Variants in XPR1 observed in about 807,000 individuals in gnomAD.
The protein encoded by XPR1 is xenotropic and polytropic retrovirus receptor 1, also known as solute carrier family 53 member 1.
In XPR1, 28 loss-of-function variants were observed where a neutral mutation model predicts 87.5. The observed-to-expected ratio is 0.32, with a 90% CI of 0.24 to 0.44. The LOEUF is 0.44. Ranked by LOEUF, XPR1 falls within the 20% of genes least tolerant of loss-of-function variation. The pLI, the probability that XPR1 is intolerant of heterozygous loss-of-function variation, is 1.00. For missense variants in XPR1, 559 were observed against 862.3 expected, an observed-to-expected ratio of 0.65 and a Z score of 4.41; for synonymous variants, 300 against 306.1, an observed-to-expected ratio of 0.98 and a Z score of 0.21.
chr1:180,697,675 A>C (rs1571737182), intron 2 of XPR1, among the ~76,000 whole-genome samples: 1 of 151,978 alleles, frequency 6.6e-6, no homozygotes, highest in Non-Finnish European at 1.5e-5. Flanking sequence ...AAGACATTTA[A>C]AATTTTTCTT....
intron 1 of XPR1, among the ~76,000 whole-genome samples, chr1:180,659,224 TC>T (rs1557943267): frequency 1.5e-5 from 1 of 68,438 alleles, no homozygotes; most frequent in Non-Finnish European, 2.9e-5. Flanking sequence ...CTTCCTTCCT[TC>T]CTTCCTTCCT....
At chr1:180,666,080 A>G (rs187523342) in intron 1 of XPR1, among the ~76,000 whole-genome samples, 4 of 152,094 alleles carry the variant, frequency 2.6e-5, no homozygotes, top group Non-Finnish European at 5.9e-5. Flanking sequence ...CCATTGGGTG[A>G]TCTTGGCACC....
intron 1 of XPR1, among the ~76,000 whole-genome samples, chr1:180,656,245 C>G (rs1284388836): frequency 7.0e-6 from 1 of 142,232 alleles, no homozygotes; most frequent in Admixed American, 8.0e-5. Context: ...ATAATGACTT[C>G]CAGTTCCATC....
intron 2 of XPR1, among the ~76,000 whole-genome samples, chr1:180,736,862 G>A (rs1658745289): frequency 6.6e-6 from 1 of 152,116 alleles, no homozygotes; most frequent in East Asian, 1.9e-4. Flanking sequence ...GGCTGAGGGA[G>A]CTGACAGGCC....
intron 13 of XPR1, among the ~76,000 whole-genome samples, chr1:180,879,419 C>T (rs1571254518): frequency 6.6e-6 from 1 of 152,172 alleles, no homozygotes; most frequent in African/African-American, 2.4e-5. Context: ...TGTGGGTGGG[C>T]CCTCTTCCAC....
At chr1:180,685,309 AC>A (rs1385602883) in intron 2 of XPR1, among the ~76,000 whole-genome samples, 1 of 152,138 alleles carries the variant, frequency 6.6e-6, no homozygotes, top group African/African-American at 2.4e-5. Context: ...CGTATGTTGA[AC>A]CAGCCTTGCA....
At chr1:180,777,609 A>AT (rs2102073754) in intron 2 of XPR1, among the ~76,000 whole-genome samples, 1 of 152,256 alleles carries the variant, frequency 6.6e-6, no homozygotes, top group South Asian at 2.1e-4. Context: ...TTAGAGTAAC[A>AT]TTTTTTATCT....
rs144629646 is a variant in XPR1 at position 180,836,613 on chromosome 1, A to G, written c.1398A>G (p.Arg466=). 77 of 1,614,148 alleles carry G rather than the reference A, an allele frequency of 4.8e-5. No individual in the cohort carries two copies. In the African/African-American group the frequency reaches 9.3e-4, roughly 20 times the overall value. ...TTCGCTTCATCCAGTGCCTGCGCCG[A>G]TATCGAGACACAAAAAGGGCCTTTC... The part of the protein sequence containing the change: ...AWLRFIQCLR[R]YRDTKRAFPH... Residue 466 remains arginine, a synonymous_variant, in exon 11 of 15, where the codon CGA becomes CGG. Coordinates refer to ENST00000367590, the MANE Select transcript of XPR1 (RefSeq NM_004736.4).
At chr1:180,672,325 A>T (rs1012086671) in intron 1 of XPR1, among the ~76,000 whole-genome samples, 1 of 152,178 alleles carries the variant, frequency 6.6e-6, no homozygotes, top group Non-Finnish European at 1.5e-5. Flanking sequence ...CTTAATGCTT[A>T]TATACTCTAG....
At position 180,709,652 on chromosome 1, in the gene XPR1, A is replaced by AT. The variant is rs150710831; in HGVS notation, c.121+27249dup. On this transcript the variant is annotated intron_variant, in intron 2 of 14. Coordinates refer to ENST00000367590, the MANE Select transcript of XPR1 (RefSeq NM_004736.4). ...TTCACTTAGAATGTGTCAATGTTTC[A>AT]TTTTTTTTCCATGTCTTCACCAATA... is the stretch of plus-strand genomic sequence containing the variant. Among the ~76,000 whole-genome samples, 60 of 152,020 alleles carry AT rather than the reference A, an allele frequency of 3.9e-4. 1 individual carries two copies. The South Asian group carries it at 0.012, about 32-fold the overall frequency.
At position 180,851,516 on chromosome 1, in the gene XPR1, A is replaced by C. The variant is rs146310791; in HGVS notation, c.1502-12192A>C. On this transcript the variant is annotated intron_variant, in intron 11 of 14. Transcript: ENST00000367590. ...AAGGCACAAACTCCATAGAAACATA[A>C]CCTAGAAAGGTATGGTGTAAACAAT... Among the ~76,000 whole-genome samples, 1,090 of 152,318 alleles carry C rather than the reference A, an allele frequency of 7.2e-3. 6 individuals carry two copies. The highest frequency in any genetic ancestry group is 0.014 in the Middle Eastern group (4 of 294).
chr1:180,802,890 A>G (rs533451494), intron 3 of XPR1, among the ~76,000 whole-genome samples: 1 of 152,348 alleles, frequency 6.6e-6, no homozygotes, highest in South Asian at 2.1e-4. Context: ...TTGTGTGTTT[A>G]TATAGACACA....
chr1:180,689,472 A>AT (rs1450972920), intron 2 of XPR1, among the ~76,000 whole-genome samples: 1 of 152,078 alleles, frequency 6.6e-6, no homozygotes, highest in African/African-American at 2.4e-5. Flanking sequence ...TTCTCTCCTA[A>AT]TTTTTTTATT....
Position 180,884,178 on chromosome 1 carries a change from C to A in XPR1, c.*112C>A. On this transcript the variant is annotated 3_prime_UTR_variant, in exon 15 of 15. Coordinates refer to ENST00000367590, the MANE Select transcript of XPR1 (RefSeq NM_004736.4). The stretch of plus-strand genomic sequence containing the variant: ...CGAAAACAGGAGAAAACACATAACA[C>A]ATTTTCCGAGCTCTTCCGGATCGGA... 2.3e-6 allele frequency: 2 copies of A among 854,226 alleles called. No individual in the cohort carries two copies. The highest frequency in any genetic ancestry group is 1.8e-6 in the Non-Finnish European group (1 of 561,204). The allele number at this position is 854,226 out of a possible 1,614,324, so 52.9% of individuals were successfully genotyped here.
intron 2 of XPR1, among the ~76,000 whole-genome samples, chr1:180,703,299 G>A (rs903124718): frequency 6.6e-6 from 1 of 152,166 alleles, no homozygotes; most frequent in African/African-American, 2.4e-5. Flanking sequence ...GACTCAAGCA[G>A]TGGTGGTGAT....
chr1:180,714,405 C>CGTCT (rs141207072), intron 2 of XPR1, among the ~76,000 whole-genome samples: 23 of 120,596 alleles, frequency 1.9e-4, no homozygotes, highest in South Asian at 2.7e-4. Flanking sequence ...CTCTCTCTGT[C>CGTCT]GTCTGTCTGT....
intron 2 of XPR1, among the ~76,000 whole-genome samples, chr1:180,742,717 A>G (rs1658961558): frequency 6.6e-6 from 1 of 152,042 alleles, no homozygotes; most frequent in Admixed American, 6.6e-5. Context: ...CATTTTATTG[A>G]TTACTAAGAG....
chr1:180,874,758 A>AG (rs1402966984), intron 13 of XPR1, among the ~76,000 whole-genome samples: 4 of 152,210 alleles, frequency 2.6e-5, no homozygotes, highest in Non-Finnish European at 4.4e-5. Context: ...AAATGAAAAC[A>AG]GGAGCCCCAA....
chr1:180,751,962 G>A (rs1410190507), intron 2 of XPR1, among the ~76,000 whole-genome samples: 9 of 152,044 alleles, frequency 5.9e-5, no homozygotes, highest in African/African-American at 4.8e-5. Context: ...TAAACGTGTC[G>A]CCCATAAGTC....
Sources: gnomAD v4.1 joint callset for allele counts (sites outside exome capture counted in the v4.1 genomes callset) on GRCh38, gnomAD v4.1.1 for gene constraint, MANE v1.5 for transcripts, NCBI Gene and HGNC (gene_info 2026-07-23, HGNC 2026-07-21) for gene names.